The following SHANK2 variants were observed in gnomAD, a reference collection of about 807,000 sequenced individuals.
SHANK2 encodes SH3 and multiple ankyrin repeat domains protein 2.
A neutral mutation model predicts 133.7 loss-of-function variants in SHANK2; 43 were observed. That is an observed-to-expected ratio of 0.32 (90% CI 0.25 to 0.41). The LOEUF is 0.41. Among genes scored for constraint, SHANK2 ranks in the 10% least tolerant of loss-of-function variants. The pLI, the probability that SHANK2 is intolerant of heterozygous loss-of-function variation, is 1.00. For missense variants in SHANK2, 1,994 were observed against 2,235.8 expected (o/e 0.89, Z 2.18); for synonymous variants, 1,017 against 952.8 (o/e 1.07, Z -1.24).
rs1555075716 is a variant in SHANK2 at position 70,896,503 on chromosome 11, A to G, written c.1172T>C (p.Ile391Thr). The G allele has an allele frequency of 1.4e-6, 1 of 717,750 alleles. No homozygotes were observed. The highest frequency in any genetic ancestry group is 2.0e-5 in the Admixed American group (1 of 49,904). 44.5% of individuals were successfully genotyped at this position (717,750 alleles called of 1,614,324 possible). ...AGTTTCTCCACGTGCCTACTCACCA[A>G]TGTCTGTTTCCTTGTGGTTCTTGAT... The part of the protein sequence containing the change: ...EYIKNHKETD[I>T]VPFREAPAYS... The change falls in exon 11 of 26, where the codon ATT becomes ACT. Residue 391 changes from isoleucine to threonine, a missense_variant and splice_region_variant. Physicochemically the swap from Ile to Thr is moderately conservative, Grantham distance 89 (BLOSUM62 -1). Around this residue, in one of 5 missense-constraint regions of SHANK2, gnomAD observed 653 missense variants for 563.4 expected, o/e 1.16. Transcript: ENST00000601538.
At chr11:71,242,439 C>T (rs782182700) in intron 1 of SHANK2, among the ~76,000 whole-genome samples, 8 of 152,148 alleles carry the variant, frequency 5.3e-5, no homozygotes, top group Non-Finnish European at 8.8e-5. Context: ...AAAAAAAGTG[C>T]TCTCAATTTC....
chr11:71,202,674 G>A (rs1954040590), intron 2 of SHANK2, among the ~76,000 whole-genome samples: 1 of 152,160 alleles, frequency 6.6e-6, no homozygotes, highest in African/African-American at 2.4e-5. Flanking sequence ...GGAAGTCTCT[G>A]AGTCATAGGC....
chr11:71,150,739 C>A (rs1276200648), intron 2 of SHANK2, among the ~76,000 whole-genome samples: 4 of 151,974 alleles, frequency 2.6e-5, no homozygotes, highest in Non-Finnish European at 5.9e-5. Flanking sequence ...TAACACAATC[C>A]CTGCATGGAT....
At chr11:70,476,396 C>CT (rs59963299) in intron 25 of SHANK2, among the ~76,000 whole-genome samples, 9 of 66,292 alleles carry the variant, frequency 1.4e-4, no homozygotes, top group Non-Finnish European at 3.2e-4. Flanking sequence ...AAACCTGCAA[C>CT]CCCCCCTTCT....
At chr11:70,767,807 A>G (rs1242262683) in intron 14 of SHANK2, among the ~76,000 whole-genome samples, 11 of 152,202 alleles carry the variant, frequency 7.2e-5, no homozygotes, top group African/African-American at 2.4e-4. Flanking sequence ...TCTAAATGCC[A>G]CAGGATTTTG....
At chr11:71,147,621 G>A (rs1327730414) in intron 2 of SHANK2, among the ~76,000 whole-genome samples, 19 of 152,308 alleles carry the variant, frequency 1.2e-4, no homozygotes, top group East Asian at 3.9e-4. Flanking sequence ...GTGAAACCCC[G>A]GCACTCAAAA....
chr11:71,060,587 G>A (rs1016568315), intron 9 of SHANK2, among the ~76,000 whole-genome samples: 3 of 152,332 alleles, frequency 2.0e-5, no homozygotes, highest in South Asian at 4.1e-4. Flanking sequence ...AGGCAGAGGC[G>A]GCTTCTGTCA....
intron 17 of SHANK2, among the ~76,000 whole-genome samples, chr11:70,616,017 C>T (rs1403347141): frequency 1.3e-5 from 2 of 152,100 alleles, no homozygotes; most frequent in African/African-American, 4.8e-5. Flanking sequence ...ATGCCGAGAC[C>T]AGAGCCTGCC....
chr11:71,145,180 C>T (rs781509546), intron 3 of SHANK2, among the ~76,000 whole-genome samples: 180 of 152,318 alleles, frequency 1.2e-3, no homozygotes, highest in Non-Finnish European at 2.2e-3. Context: ...GGGCATCAGG[C>T]CACCCTGAGC....
chr11:71,096,735 T>G (rs191379932), intron 6 of SHANK2, among the ~76,000 whole-genome samples: 199 of 152,354 alleles, frequency 1.3e-3, no homozygotes, highest in Non-Finnish European at 2.4e-3. Flanking sequence ...TTCTTTCCCA[T>G]TTGACTGTTC....
At chr11:70,843,145 A>G (rs1227969073) in intron 11 of SHANK2, among the ~76,000 whole-genome samples, 2 of 149,942 alleles carry the variant, frequency 1.3e-5, no homozygotes, top group Admixed American at 1.3e-4. Flanking sequence ...TCATGGGGTC[A>G]GGGAGCAGAG....
intron 17 of SHANK2, among the ~76,000 whole-genome samples, chr11:70,650,087 G>A (rs781977125): frequency 3.3e-5 from 5 of 152,210 alleles, no homozygotes; most frequent in Admixed American, 1.3e-4. Context: ...GGAAGCACAC[G>A]GTGTGAGTGT....
rs926401947 is a variant in SHANK2, at chr11:70,637,458, G to A, written c.2061+22370C>T. Among the ~76,000 whole-genome samples the A allele has an allele frequency of 2.6e-5, 4 of 152,152 alleles. No individual in the cohort carries two copies. In the East Asian group the frequency reaches 7.8e-4, roughly 30 times the overall value. ...TTTACTCCCCTCCTGGCCGGGCCACGGCCAGCTCTCCTCCTGCGGTGCAGA... is the reference window on the plus strand; with the variant it reads ...TTTACTCCCCTCCTGGCCGGGCCACAGCCAGCTCTCCTCCTGCGGTGCAGA... On this transcript the variant is annotated intron_variant, in intron 17 of 25. Transcript: ENST00000601538.
intron 17 of SHANK2, chr11:70,566,619 T>C (rs2059971387): frequency 1.3e-5 from 2 of 152,202 alleles, no homozygotes; most frequent in South Asian, 2.1e-4. Context: ...ATGGGTGACA[T>C]TGATCCTGAA....
chr11:70,584,207 T>C (rs1012579987), intron 17 of SHANK2, among the ~76,000 whole-genome samples: 1 of 152,200 alleles, frequency 6.6e-6, no homozygotes, highest in Non-Finnish European at 1.5e-5. Flanking sequence ...CTTGCGGGTC[T>C]GGTGAGTCCG....
chr11:71,146,925 C>A (rs782333922), intron 3 of SHANK2, among the ~76,000 whole-genome samples, 195 bp downstream of exon 3: 1 of 151,692 alleles, frequency 6.6e-6, no homozygotes, highest in African/African-American at 2.4e-5. Flanking sequence ...GTGAGGCCAG[C>A]GGCAGCAGGG....
intron 14 of SHANK2, among the ~76,000 whole-genome samples, chr11:70,707,509 G>A (rs1023637957): frequency 2.0e-5 from 3 of 151,822 alleles, no homozygotes; most frequent in Non-Finnish European, 2.9e-5. Flanking sequence ...TGAGACACAC[G>A]TGGACAGACA....
At chr11:71,100,046 C>CAAAAAAA (rs55637618) in intron 6 of SHANK2, among the ~76,000 whole-genome samples, 1 of 100,768 alleles carries the variant, frequency 9.9e-6, no homozygotes, top group African/African-American at 3.5e-5. Flanking sequence ...AAGACCATGT[C>CAAAAAAA]AAAAAAAAAA....
intron 1 of SHANK2, among the ~76,000 whole-genome samples, chr11:71,239,874 C>T (rs1591046557): frequency 6.6e-6 from 1 of 152,260 alleles, no homozygotes; most frequent in African/African-American, 2.4e-5. Flanking sequence ...TCACCCAACC[C>T]ACCCCAGGCC....
Sources: gnomAD v4.1 joint callset for allele counts (sites outside exome capture counted in the v4.1 genomes callset) on GRCh38, gnomAD v4.1.1 for gene constraint, gnomAD v4.1.1 regional missense constraint, MANE v1.5 for transcripts, NCBI Gene and HGNC (gene_info 2026-07-23, HGNC 2026-07-21) for gene names.